The following CCSER1 variants were observed in gnomAD, a reference collection of about 807,000 sequenced individuals.
CCSER1 encodes the protein serine-rich coiled-coil domain-containing protein 1.
Under a neutral mutation model 82.0 loss-of-function variants are expected in CCSER1, and 41 were observed. The ratio of observed to expected loss-of-function variants is 0.50; its 90% CI spans 0.39 to 0.65. The LOEUF is 0.65. Among genes scored for constraint, CCSER1 ranks in the 30% least tolerant of loss-of-function variants. The pLI, the probability that CCSER1 is intolerant of heterozygous loss-of-function variation, is 0.00. For synonymous variants in CCSER1, 414 were observed against 383.9 expected, an observed-to-expected ratio of 1.08 and a Z score of -0.92; for missense variants, 1,119 against 1,064.2, an observed-to-expected ratio of 1.05 and a Z score of -0.72.
intron 6 of CCSER1, among the ~76,000 whole-genome samples, chr4:90,660,868 T>A (rs188806061): frequency 1.3e-5 from 2 of 152,308 alleles, no homozygotes; most frequent in East Asian, 1.9e-4. Context: ...ATGCTTCCAA[T>A]TTTTATTTGC....
At chr4:90,553,145 A>C (rs1041343852) in intron 5 of CCSER1, among the ~76,000 whole-genome samples, 4 of 151,922 alleles carry the variant, frequency 2.6e-5, no homozygotes, top group Non-Finnish European at 5.9e-5. Flanking sequence ...AATTTTTTTC[A>C]TATTTTTAGT....
chr4:91,116,010 C>G (rs1187972046), intron 10 of CCSER1, among the ~76,000 whole-genome samples: 1 of 151,634 alleles, frequency 6.6e-6, no homozygotes, highest in Non-Finnish European at 1.5e-5. Flanking sequence ...CCCCCCTGTC[C>G]CCACCCCACA....
At chr4:91,095,391 G>T (rs984918956) in intron 10 of CCSER1, among the ~76,000 whole-genome samples, 16 of 152,170 alleles carry the variant, frequency 1.1e-4, no homozygotes, top group South Asian at 6.2e-4. Flanking sequence ...CTGCCCTTTG[G>T]GGGGGATCCC....
At chr4:90,357,721 T>C (rs1211430792) in intron 3 of CCSER1, among the ~76,000 whole-genome samples, 1 of 152,056 alleles carries the variant, frequency 6.6e-6, no homozygotes, top group East Asian at 1.9e-4. Flanking sequence ...TCATGGTGTG[T>C]ACCACAAAAA....
intron 10 of CCSER1, among the ~76,000 whole-genome samples, chr4:91,576,902 A>G (rs1452027270): frequency 7.2e-5 from 11 of 152,016 alleles, no homozygotes; most frequent in Admixed American, 7.2e-4. Context: ...GGTGATGGAT[A>G]TAATCATTGA....
intron 7 of CCSER1, among the ~76,000 whole-genome samples, chr4:90,779,440 T>G (rs1345129782): frequency 6.6e-6 from 1 of 152,220 alleles, no homozygotes; most frequent in African/African-American, 2.4e-5. Context: ...TCTTGTGCAA[T>G]TTGAATCTGT....
chr4:90,501,615 T>C (rs1769894310), intron 5 of CCSER1, among the ~76,000 whole-genome samples: 1 of 152,218 alleles, frequency 6.6e-6, no homozygotes, highest in Admixed American at 6.5e-5. Flanking sequence ...TCAGTATAAA[T>C]ATGATTTTTG....
At chr4:90,742,802 A>G (rs1746760456) in intron 7 of CCSER1, among the ~76,000 whole-genome samples, 1 of 152,172 alleles carries the variant, frequency 6.6e-6, no homozygotes, top group African/African-American at 2.4e-5. Context: ...GTGTTTTATA[A>G]TGATATTGGG....
At chr4:90,544,459 C>A (rs1269457989) in intron 5 of CCSER1, among the ~76,000 whole-genome samples, 3 of 152,244 alleles carry the variant, frequency 2.0e-5, no homozygotes, top group South Asian at 2.1e-4. Context: ...TGATTCTCCT[C>A]TCCCAGTGGA....
At chr4:91,334,606 G>T (rs958647562) in intron 10 of CCSER1, among the ~76,000 whole-genome samples, 2 of 151,754 alleles carry the variant, frequency 1.3e-5, no homozygotes, top group African/African-American at 2.4e-5. Context: ...AAAACATGGT[G>T]GTAGAGAACA....
chr4:90,444,216 A>C (rs767065932), intron 4 of CCSER1, among the ~76,000 whole-genome samples: 2 of 152,076 alleles, frequency 1.3e-5, no homozygotes, highest in Non-Finnish European at 2.9e-5. Context: ...GTTACTTTAA[A>C]AGCCAGGATC....
Position 90,606,727 on chromosome 4 carries a change from ATTAT to A in CCSER1, c.1725-21296_1725-21293del, listed in dbSNP as rs941189339. Among the ~76,000 whole-genome samples, 7 of 152,176 alleles carry A rather than the reference ATTAT, an allele frequency of 4.6e-5. No homozygotes were observed. In the South Asian group the frequency reaches 8.3e-4, roughly 18 times the overall value. On this transcript the variant is annotated intron_variant, in intron 5 of 10. Transcript: ENST00000509176. ...AAATTATATTTTGACAACTTCCTAA[ATTAT>A]TATGTCTCTCAGAGATAATAATGAT...
chr4:90,395,616 G>A (rs1751833070), intron 3 of CCSER1, among the ~76,000 whole-genome samples: 1 of 150,752 alleles, frequency 6.6e-6, no homozygotes, highest in South Asian at 2.1e-4. Flanking sequence ...CATAATGTTG[G>A]AGTTTGCTTT....
At chr4:91,377,056 A>T (rs1234983480) in intron 10 of CCSER1, among the ~76,000 whole-genome samples, 6 of 152,080 alleles carry the variant, frequency 3.9e-5, no homozygotes, top group Non-Finnish European at 5.9e-5. Flanking sequence ...AGCTTCATCC[A>T]TGTCCCTACA....
At chr4:90,265,561 T>A (rs1725086858) in intron 1 of CCSER1, among the ~76,000 whole-genome samples, 4 of 151,936 alleles carry the variant, frequency 2.6e-5, no homozygotes, top group Non-Finnish European at 5.9e-5. Context: ...AAAATGCCAA[T>A]GAAATAAGCT....
At chr4:90,237,979 G>C (rs1245599050) in intron 1 of CCSER1, among the ~76,000 whole-genome samples, 1 of 152,132 alleles carries the variant, frequency 6.6e-6, no homozygotes, top group South Asian at 2.1e-4. Flanking sequence ...CAAAATTGTG[G>C]TCTTGCTCCC....
At position 90,675,253 on chromosome 4, in the gene CCSER1, CAATT is replaced by C. The variant is rs1579877634; in HGVS notation, c.1932+47023_1932+47026del. 3.3e-5 allele frequency among the ~76,000 whole-genome samples: 5 copies of C among 151,904 alleles called. No homozygotes were observed. The East Asian group carries it at 5.8e-4, about 18-fold the overall frequency. ...ATAAATATCAACTATTATTTATAAA[CAATT>C]ACTTACAGTTGCAAGGCTTATTTCA... On this transcript the variant is annotated intron_variant, in intron 6 of 10. Transcript: ENST00000509176.
Position 91,484,043 on chromosome 4 carries a change from C to G in CCSER1, c.2218-114529C>G, listed in dbSNP as rs1369343813. 7.1e-5 allele frequency among the ~76,000 whole-genome samples: 9 copies of G among 127,396 alleles called. No homozygotes were observed. In the Admixed American group the frequency reaches 7.9e-4, roughly 11 times the overall value. The allele number at this position is 127,396 out of a possible 152,430, so 83.6% of individuals were successfully genotyped here. A position where few individuals can be genotyped will look rare whatever the true frequency, so the allele number is the denominator to read the frequency against. The stretch of plus-strand genomic sequence containing the variant: ...ATAATAAGCACTGTTGAGTCTTATT[C>G]TGCCTATTCTCTAAAAAAAAAAAAA... On this transcript the variant is annotated intron_variant, in intron 10 of 10. Transcript: ENST00000509176.
intron 9 of CCSER1, among the ~76,000 whole-genome samples, chr4:91,067,965 G>C (rs1413536562): frequency 6.6e-6 from 1 of 152,076 alleles, no homozygotes; most frequent in Non-Finnish European, 1.5e-5. Context: ...CTATCTTCTT[G>C]ACTGGTACAT....
Sources: allele counts gnomAD v4.1 joint callset (sites outside exome capture counted in the v4.1 genomes callset), GRCh38; gene constraint gnomAD v4.1.1; transcripts MANE v1.5; gene names NCBI Gene and HGNC (gene_info 2026-07-23, HGNC 2026-07-21).